The following STK32B variants were observed in gnomAD, a reference collection of about 807,000 sequenced individuals.
STK32B encodes the protein serine/threonine kinase 32B, also known as serine/threonine-protein kinase 32B.
In STK32B, 43 loss-of-function variants were observed where a neutral mutation model predicts 52.6. The ratio of observed to expected loss-of-function variants is 0.82; its 90% CI spans 0.64 to 1.05. The LOEUF (loss-of-function observed/expected upper bound fraction) is 1.05, where lower values mean the gene tolerates loss of function less well. Ranked by LOEUF, STK32B falls within the 50% of genes least tolerant of loss-of-function variation. The pLI, the probability that STK32B is intolerant of heterozygous loss-of-function variation, is 0.00. For synonymous variants in STK32B, 238 were observed against 204.3 expected (o/e 1.17, Z -1.41); for missense variants, 621 against 534.6 (o/e 1.16, Z -1.59).
intron 1 of STK32B, among the ~76,000 whole-genome samples, chr4:5,108,173 G>A (rs57768776): frequency 0.085 from 12,981 of 152,212 alleles, 581 homozygotes; most frequent in East Asian, 0.14. Flanking sequence ...ATATGTTTCC[G>A]AGGATGTGAC....
intron 11 of STK32B, among the ~76,000 whole-genome samples, chr4:5,478,518 C>T (rs1718410384): frequency 6.6e-6 from 1 of 152,202 alleles, no homozygotes; most frequent in Admixed American, 6.5e-5. Context: ...GAATTGCCTA[C>T]AAGGTAATCT....
chr4:5,024,895 A>G, the STK32B span, among the ~76,000 whole-genome samples: 1 of 152,220 alleles, frequency 6.6e-6, no homozygotes, highest in Non-Finnish European at 1.5e-5. Context: ...CAGGCCCCCA[A>G]GGGGATCGGG....
chr4:5,234,619 A>G (rs974439525), intron 3 of STK32B, among the ~76,000 whole-genome samples: 1 of 152,236 alleles, frequency 6.6e-6, no homozygotes, highest in South Asian at 2.1e-4. Context: ...AAGGATGGAT[A>G]TGGGATAAAA....
chr4:5,321,394 C>T (rs937488800), intron 3 of STK32B, among the ~76,000 whole-genome samples: 1 of 152,098 alleles, frequency 6.6e-6, no homozygotes, highest in African/African-American at 2.4e-5. Context: ...TTATAAATGT[C>T]TTTTGGAATT....
intron 4 of STK32B, among the ~76,000 whole-genome samples, chr4:5,384,697 A>G (rs967807712): frequency 6.6e-6 from 1 of 152,146 alleles, no homozygotes; most frequent in African/African-American, 2.4e-5. Context: ...GTGAGAGACC[A>G]TGGAGTGTGG....
At chr4:5,174,615 T>C (rs1577141996) in intron 3 of STK32B, among the ~76,000 whole-genome samples, 3 of 152,222 alleles carry the variant, frequency 2.0e-5, no homozygotes, top group Non-Finnish European at 4.4e-5. Flanking sequence ...TATTTAAGAA[T>C]GTTGAATATT....
intron 3 of STK32B, among the ~76,000 whole-genome samples, chr4:5,321,277 A>G (rs529376554): frequency 6.6e-6 from 1 of 152,236 alleles, no homozygotes; most frequent in South Asian, 2.1e-4. Context: ...TATTAAAAAA[A>G]AAGCACTTAG....
chr4:5,476,022 G>C (rs1484054430), intron 11 of STK32B, among the ~76,000 whole-genome samples: 1 of 151,862 alleles, frequency 6.6e-6, no homozygotes, highest in African/African-American at 2.4e-5. Context: ...AGCCTCCCAA[G>C]TAGCTGGGAT....
At chr4:5,330,352 C>G (rs1732150191) in intron 3 of STK32B, among the ~76,000 whole-genome samples, 1 of 152,160 alleles carries the variant, frequency 6.6e-6, no homozygotes, top group Non-Finnish European at 1.5e-5. Context: ...ATCTCAGATT[C>G]TATGTGTTGG....
intron 7 of STK32B, among the ~76,000 whole-genome samples, chr4:5,450,274 C>CTT (rs1715867175): frequency 6.6e-6 from 1 of 152,230 alleles, no homozygotes; most frequent in Non-Finnish European, 1.5e-5. Flanking sequence ...CCCTGGCACT[C>CTT]TGACTACTGC....
chr4:5,460,654 TC>T lies in STK32B; in HGVS notation c.909+427del, dbSNP rs1017869115. Among the ~76,000 whole-genome samples the T allele has an allele frequency of 1.3e-5, 2 of 152,108 alleles. No homozygotes were observed. The highest frequency in any genetic ancestry group is 2.9e-5 in the Non-Finnish European group (2 of 68,014). On this transcript the variant is annotated intron_variant, in intron 9 of 11. Coordinates refer to ENST00000282908, the MANE Select transcript of STK32B (RefSeq NM_018401.3). The surrounding 1 kb of genome is among the most constrained non-coding windows in gnomAD (Gnocchi z 4.8). ...GATGGGAGGGGCAGAGGCAGGGGCT[TC>T]TTTTAGGAAGGGTCGGCAGAGACCT...
intron 3 of STK32B, among the ~76,000 whole-genome samples, chr4:5,305,537 T>A (rs1729868320): frequency 6.6e-6 from 1 of 152,136 alleles, no homozygotes; most frequent in Non-Finnish European, 1.5e-5. Flanking sequence ...TTCTGTGGTA[T>A]CAGTTGTAAT....
rs766623137 is a variant in STK32B at position 5,331,207 on chromosome 4, TC to T, written c.261-12del. 1 of 1,605,302 alleles carries T rather than the reference TC, an allele frequency of 6.2e-7. No homozygotes were observed. The highest frequency in any genetic ancestry group is 8.5e-7 in the Non-Finnish European group (1 of 1,175,278). On this transcript the variant is annotated splice_polypyrimidine_tract_variant and intron_variant, in intron 3 of 11. Transcript: ENST00000282908. ...CTCCACCCCTAATCTTCTCTGTCCTTCTGTGCTCCTAGGTACTCCTTCCAGG... is the reference window on the plus strand; with the variant it reads ...CTCCACCCCTAATCTTCTCTGTCCTTTGTGCTCCTAGGTACTCCTTCCAGG...
At chr4:5,163,945 C>T (rs1052683670) in intron 2 of STK32B, among the ~76,000 whole-genome samples, 2 of 152,168 alleles carry the variant, frequency 1.3e-5, no homozygotes, top group Non-Finnish European at 2.9e-5. Flanking sequence ...CCGCATGGGC[C>T]ACATGCTATG....
chr4:5,136,807 C>A (rs1275951825), intron 1 of STK32B, among the ~76,000 whole-genome samples: 1 of 152,166 alleles, frequency 6.6e-6, no homozygotes, highest in African/African-American at 2.4e-5. Flanking sequence ...CTTTTAGGTG[C>A]TATTATGTCA....
chr4:5,491,692 T>G (rs1027372957), intron 11 of STK32B, among the ~76,000 whole-genome samples: 1 of 152,122 alleles, frequency 6.6e-6, no homozygotes, highest in Non-Finnish European at 1.5e-5. Context: ...GGTTTTCTTC[T>G]AGGGTTTTTA....
intron 3 of STK32B, among the ~76,000 whole-genome samples, chr4:5,301,676 T>C (rs1729564378): frequency 6.6e-6 from 1 of 150,646 alleles, no homozygotes. Flanking sequence ...TTTTTTTTTT[T>C]TTGGACAGTC....
chr4:5,471,674 T>G (rs1250202982), intron 11 of STK32B, among the ~76,000 whole-genome samples: 1 of 152,076 alleles, frequency 6.6e-6, no homozygotes, highest in African/African-American at 2.4e-5. Flanking sequence ...AGAGTAAGCA[T>G]GGGGACCAGC....
At chr4:5,468,622 C>G (rs1301025529) in intron 11 of STK32B, among the ~76,000 whole-genome samples, 1 of 152,124 alleles carries the variant, frequency 6.6e-6, no homozygotes, top group Non-Finnish European at 1.5e-5. Context: ...GTGGGGGATG[C>G]TGGAACCTCA....
Sources: gnomAD v4.1 joint callset for allele counts (sites outside exome capture counted in the v4.1 genomes callset) on GRCh38, gnomAD v4.1.1 for gene constraint, Gnocchi (gnomAD v3.1) non-coding constraint, MANE v1.5 for transcripts, NCBI Gene and HGNC (gene_info 2026-07-23, HGNC 2026-07-21) for gene names.